TPR: variants seen among roughly 807,000 people sequenced by gnomAD.
TPR encodes translocated promoter region, nuclear basket protein.
In TPR, 51 loss-of-function variants were observed where a neutral mutation model predicts 316.1. The ratio of observed to expected loss-of-function variants is 0.16; its 90% CI spans 0.13 to 0.20. The LOEUF (loss-of-function observed/expected upper bound fraction) is 0.20. TPR is among the 10% of genes least tolerant of loss of function. The pLI, the probability that TPR is intolerant of heterozygous loss-of-function variation, is 1.00. For missense variants in TPR, 2,272 were observed against 2,754.8 expected, an observed-to-expected ratio of 0.82 and a Z score of 3.92; for synonymous variants, 981 against 914.7, an observed-to-expected ratio of 1.07 and a Z score of -1.31.
chr1:186,362,501 T>A, intron 6 of TPR, 121 bp from the exon 7 acceptor site: 1 of 733,938 alleles, frequency 1.4e-6, no homozygotes, highest in Non-Finnish European at 2.3e-6. Context: ...AAAAAGCAAT[T>A]AAAATATGCA....
chr1:186,373,149 A>G (rs914320297), intron 2 of TPR, among the ~76,000 whole-genome samples: 1 of 152,250 alleles, frequency 6.6e-6, no homozygotes, highest in Non-Finnish European at 1.5e-5. Context: ...CAAAATCAGA[A>G]TAAGAATCCA....
chr1:186,322,915 T>C (rs1657810838), intron 43 of TPR, among the ~76,000 whole-genome samples: 1 of 152,200 alleles, frequency 6.6e-6, no homozygotes, highest in South Asian at 2.1e-4. Flanking sequence ...CAAGTATTCT[T>C]TTGGAGTTCA....
Position 186,363,461 on chromosome 1 carries a change from G to A in TPR, c.428-16C>T, listed in dbSNP as rs1399279684. The A allele has an allele frequency of 6.5e-7, 1 of 1,539,276 alleles. No homozygotes were observed. Among genetic ancestry groups the A allele is most frequent in the Non-Finnish European group, 8.9e-7 (1 of 1,119,282 alleles). On this transcript the variant is annotated splice_polypyrimidine_tract_variant and intron_variant, in intron 4 of 50. Coordinates refer to ENST00000367478, the MANE Select transcript of TPR (RefSeq NM_003292.3). ...TTAACATCCTCTAGAATGGTGAAGA[G>A]AATTAAAAAATAATAACTAATTAAC...
chr1:186,321,507 G>C (rs1422838550), intron 45 of TPR, among the ~76,000 whole-genome samples: 1 of 152,084 alleles, frequency 6.6e-6, no homozygotes, highest in Non-Finnish European at 1.5e-5. Context: ...CTGACCTCTG[G>C]CAAATTTGTT....
At chr1:186,316,917 T>C (rs1657629147) in intron 49 of TPR, among the ~76,000 whole-genome samples, 1 of 152,246 alleles carries the variant, frequency 6.6e-6, no homozygotes, top group African/African-American at 2.4e-5. Context: ...GAATAATACA[T>C]ATCTTTTTTT....
intron 2 of TPR, among the ~76,000 whole-genome samples, 196 bp from the exon 3 acceptor site, chr1:186,371,239 T>G (rs1207003182): frequency 1.3e-5 from 2 of 152,218 alleles, no homozygotes; most frequent in East Asian, 3.8e-4. Flanking sequence ...TTAAATATGC[T>G]ATCCTGTCTC....
intron 4 of TPR, among the ~76,000 whole-genome samples, chr1:186,364,474 T>C (rs1222773388): frequency 6.6e-6 from 1 of 152,196 alleles, no homozygotes; most frequent in African/African-American, 2.4e-5. Context: ...GCAAAATACC[T>C]TCCTATCTCG....
In TPR at chr1:186,312,262, G is replaced by C. The variant is rs747293786; in HGVS notation, c.*1709C>G. 6.2e-7 allele frequency: 1 copy of C among 1,613,884 alleles called. No individual in the cohort carries two copies. Among genetic ancestry groups the C allele is most frequent in the African/African-American group, 1.3e-5 (1 of 74,906 alleles). ...CCTGCTCTAAATTATCCAGTGTATG[G>C]AGAAACGACACAGGTTAGGAGACGT... On this transcript the variant is annotated 3_prime_UTR_variant, in exon 51 of 51. Transcript: ENST00000367478.
rs530736787 is a variant in TPR at position 186,367,975 on chromosome 1, A to G, written c.338T>C (p.Phe113Ser). ...TTCTAATTCTTCCTTTGTTCTTGTA[A>G]ATTGGCTCTGTCATATAAAGAAGTA... ...QDRNIAIQSQ[F>S]TRTKEELEAE... The change falls in exon 4 of 51, where the codon TTT becomes TCT. Residue 113 changes from phenylalanine (F) to serine (S), a missense_variant. Around this residue, in one of 10 missense-constraint regions of TPR, gnomAD observed 549 missense variants for 598.6 expected, o/e 0.92. Transcript: ENST00000367478. The G allele has an allele frequency of 6.2e-6, 10 of 1,609,100 alleles. No homozygotes were observed. In the African/African-American group the frequency reaches 1.3e-4, roughly 21 times the overall value.
At position 186,326,147 on chromosome 1, in the gene TPR, C is replaced by T; in HGVS notation, c.5978G>A (p.Gly1993Asp). Residue 1993 changes from glycine to aspartate, a missense_variant, in exon 41 of 51, where the codon GGT becomes GAT. By Grantham distance (94) the Gly-to-Asp change is moderately conservative. This residue lies in a region of TPR where 435 missense variants were observed against 461.1 expected (regional missense o/e 0.94). Transcript: ENST00000367478. The stretch of plus-strand genomic sequence containing the variant: ...ATAACCATCATTGCCATCGGCACTA[C>T]CAGTTCCTTCATTACTATCTTCACC... ...DEGEDSNEGT[G>D]SADGNDGYEA... 2 of 1,611,218 alleles carry T rather than the reference C, an allele frequency of 1.2e-6. No homozygotes were observed. Among genetic ancestry groups the T allele is most frequent in the African/African-American group, 1.3e-5 (1 of 74,986 alleles).
intron 4 of TPR, among the ~76,000 whole-genome samples, chr1:186,367,427 T>C (rs1272625669): frequency 6.6e-6 from 1 of 152,208 alleles, no homozygotes; most frequent in Non-Finnish European, 1.5e-5. Context: ...ACATCAGCTG[T>C]ATTATATACT....
At chr1:186,331,337 T>G (rs564612330) in intron 39 of TPR, among the ~76,000 whole-genome samples, 161 bp downstream of exon 39, 1 of 151,604 alleles carries the variant, frequency 6.6e-6, no homozygotes, top group Admixed American at 6.6e-5. Flanking sequence ...CTCATAGGAG[T>G]AAAAGAAAGC....
Position 186,353,749 on chromosome 1 carries a change from T to C in TPR, c.2273A>G (p.Gln758Arg). 6.2e-7 allele frequency: 1 copy of C among 1,614,180 alleles called. No homozygotes were observed. Residue 758 changes from glutamine (Q) to arginine (R), a missense_variant, in exon 18 of 51, where the codon CAG becomes CGG. This residue lies in a region of TPR where 757 missense variants were observed against 859.8 expected (regional missense o/e 0.88). Coordinates refer to ENST00000367478, the MANE Select transcript of TPR (RefSeq NM_003292.3). ...ATCTTGAGTCATCGTATTGATAATC[T>C]GTTCTTGCTTTTGAGTTGTGGCAGT... is the stretch of plus-strand genomic sequence containing the variant. ...KLTATTQKQEQIINTMTQDLR... is the reference protein window; with the variant it reads ...KLTATTQKQERIINTMTQDLR...
At chr1:186,357,223 CTT>C (rs897346719) in intron 14 of TPR, among the ~76,000 whole-genome samples, 172 bp downstream of exon 14, 1 of 151,788 alleles carries the variant, frequency 6.6e-6, no homozygotes, top group Non-Finnish European at 1.5e-5. Flanking sequence ...TAATTTTTTA[CTT>C]TTTTTTGAGA....
chr1:186,312,862 C>T lies in TPR; in HGVS notation c.*1109G>A. 1 of 1,612,694 alleles carries T rather than the reference C, an allele frequency of 6.2e-7. No individual in the cohort carries two copies. Among genetic ancestry groups the T allele is most frequent in the Non-Finnish European group, 8.5e-7 (1 of 1,178,738 alleles). ...ATATCACTGCCCAACATCAGAAAACCTGACGGCTATGATTACTATGCCTTT... is the reference window on the plus strand; with the variant it reads ...ATATCACTGCCCAACATCAGAAAACTTGACGGCTATGATTACTATGCCTTT... On this transcript the variant is annotated 3_prime_UTR_variant, in exon 51 of 51. Coordinates refer to ENST00000367478, the MANE Select transcript of TPR (RefSeq NM_003292.3).
rs10911853 is a variant in TPR at position 186,353,736 on chromosome 1, C to T, written c.2286G>A (p.Thr762=). 1.4e-3 allele frequency: 2,279 copies of T among 1,614,050 alleles called. 36 individuals carry two copies. In the African/African-American group the frequency reaches 0.026, roughly 19 times the overall value. Residue 762 remains threonine, a synonymous_variant, in exon 18 of 51, where the codon ACG becomes ACA. Coordinates refer to ENST00000367478, the MANE Select transcript of TPR (RefSeq NM_003292.3). Reference sequence around the variant, plus strand: ...TTGCTCCTCTCAAATCTTGAGTCATCGTATTGATAATCTGTTCTTGCTTTT... The same window carrying T: ...TTGCTCCTCTCAAATCTTGAGTCATTGTATTGATAATCTGTTCTTGCTTTT... ...TTQKQEQIIN[T]MTQDLRGANE...
chr1:186,329,327 A>G (rs1658088255), intron 39 of TPR, among the ~76,000 whole-genome samples: 1 of 152,252 alleles, frequency 6.6e-6, no homozygotes, highest in Non-Finnish European at 1.5e-5. Flanking sequence ...TATCATTTAT[A>G]GTACGCTCTG....
At chr1:186,331,615 C>T in intron 38 of TPR, 34 bp from the exon 39 acceptor site, 3 of 1,444,578 alleles carry the variant, frequency 2.1e-6, no homozygotes, top group Non-Finnish European at 2.8e-6. Flanking sequence ...TTAACCATAT[C>T]AGTGTAGTAG....
At chr1:186,325,712 T>C (rs1657905809) in intron 42 of TPR, 52 bp downstream of exon 42, 1 of 1,453,654 alleles carries the variant, frequency 6.9e-7, no homozygotes, top group Non-Finnish European at 9.5e-7. Flanking sequence ...GCAATTCTAG[T>C]TTAGAAAATA....
Sources: gnomAD v4.1 joint callset for allele counts (sites outside exome capture counted in the v4.1 genomes callset) on GRCh38, gnomAD v4.1.1 for gene constraint, gnomAD v4.1.1 regional missense constraint, MANE v1.5 for transcripts, NCBI Gene and HGNC (gene_info 2026-07-23, HGNC 2026-07-21) for gene names.